TNR: variants seen among roughly 807,000 people sequenced by gnomAD.
The protein encoded by TNR is tenascin-R.
A neutral mutation model predicts 150.4 loss-of-function variants in TNR; 45 were observed. The observed-to-expected ratio is 0.30, with a 90% CI of 0.24 to 0.38. The LOEUF (loss-of-function observed/expected upper bound fraction) is 0.38. Ranked by LOEUF, TNR falls within the 10% of genes least tolerant of loss-of-function variation. TNR has a pLI of 1.00. For synonymous variants in TNR, 687 were observed against 678.4 expected (o/e 1.01, Z -0.20); for missense variants, 1,544 against 1,759.1 (o/e 0.88, Z 2.19).
At chr1:175,696,879 CAAA>C (rs66502339) in intron 1 of TNR, among the ~76,000 whole-genome samples, 240 of 110,602 alleles carry the variant, frequency 2.2e-3, no homozygotes, top group East Asian at 5.8e-3. Context: ...AACTCCATCT[CAAA>C]AAAAAAAAAA....
intron 1 of TNR, among the ~76,000 whole-genome samples, chr1:175,695,415 G>A (rs1200800491): frequency 1.3e-5 from 2 of 152,094 alleles, no homozygotes; most frequent in Non-Finnish European, 1.5e-5. Context: ...GCACAGCTAA[G>A]CTGCTCCACA....
At chr1:175,480,416 GAAAA>G (rs778393908) in intron 2 of TNR, among the ~76,000 whole-genome samples, 1 of 85,990 alleles carries the variant, frequency 1.2e-5, no homozygotes, top group Non-Finnish European at 2.4e-5. Flanking sequence ...AAGAAAGAAA[GAAAA>G]AAGAAAGAAA....
intron 18 of TNR, among the ~76,000 whole-genome samples, chr1:175,348,443 G>A (rs1032416743): frequency 1.1e-4 from 16 of 152,050 alleles, no homozygotes; most frequent in African/African-American, 2.9e-4. Context: ...GATGCCTTTG[G>A]AAAAATAAAG....
intron 1 of TNR, among the ~76,000 whole-genome samples, chr1:175,673,901 C>T (rs180770402): frequency 6.6e-5 from 10 of 152,342 alleles, no homozygotes; most frequent in African/African-American, 1.2e-4. Flanking sequence ...AAAACCACAT[C>T]GGAAGACTTG....
intron 1 of TNR, among the ~76,000 whole-genome samples, chr1:175,656,115 C>T (rs1571720329): frequency 6.8e-6 from 1 of 147,470 alleles, no homozygotes; most frequent in East Asian, 2.0e-4. Context: ...TCTATCCTTA[C>T]AGGGGAAGAC....
At chr1:175,679,488 T>C (rs1665966262) in intron 1 of TNR, among the ~76,000 whole-genome samples, 1 of 152,226 alleles carries the variant, frequency 6.6e-6, no homozygotes, top group African/African-American at 2.4e-5. Flanking sequence ...TACAGTTCAA[T>C]TGGATACGCA....
chr1:175,538,244 T>C (rs577304721), intron 1 of TNR, among the ~76,000 whole-genome samples: 22 of 152,038 alleles, frequency 1.4e-4, no homozygotes, highest in African/African-American at 5.3e-4. Context: ...AAGCAGAGAG[T>C]GGCCAGCTAC....
At chr1:175,592,767 C>T (rs116208723) in intron 1 of TNR, among the ~76,000 whole-genome samples, 2,291 of 152,320 alleles carry the variant, frequency 0.015, 54 homozygotes, top group African/African-American at 0.052. Context: ...GAGGGCCCAG[C>T]CTCCATTTCC....
chr1:175,503,631 A>G (rs748063791), intron 2 of TNR, among the ~76,000 whole-genome samples: 11 of 152,170 alleles, frequency 7.2e-5, no homozygotes, highest in Admixed American at 1.3e-4. Context: ...CCTTTCCACA[A>G]GGGCAGCTTT....
intron 11 of TNR, 25 bp downstream of exon 11, chr1:175,365,850 G>C: frequency 6.2e-7 from 1 of 1,604,306 alleles, no homozygotes; most frequent in Non-Finnish European, 8.5e-7. Context: ...CCTGAACCTG[G>C]CTGGGATTTC....
chr1:175,552,963 T>G (rs1481601273), intron 1 of TNR, among the ~76,000 whole-genome samples: 1 of 152,160 alleles, frequency 6.6e-6, no homozygotes, highest in African/African-American at 2.4e-5. Flanking sequence ...GAATTTGAAC[T>G]AGACCTGAGA....
At chr1:175,511,585 C>A (rs150814935) in intron 2 of TNR, among the ~76,000 whole-genome samples, 130 of 152,310 alleles carry the variant, frequency 8.5e-4, no homozygotes, top group Middle Eastern at 3.4e-3. Flanking sequence ...AAGTAACATT[C>A]CTGACTCTCA....
At chr1:175,511,565 C>T (rs1013974483) in intron 2 of TNR, among the ~76,000 whole-genome samples, 5 of 152,160 alleles carry the variant, frequency 3.3e-5, no homozygotes, top group African/African-American at 7.2e-5. Flanking sequence ...TGCCATTTGG[C>T]GCCTCTGAGA....
chr1:175,603,490 T>G (rs1663315124), intron 1 of TNR, among the ~76,000 whole-genome samples: 1 of 152,248 alleles, frequency 6.6e-6, no homozygotes, highest in Admixed American at 6.5e-5. Context: ...TAGCAATTAC[T>G]GAATGGACAC....
intron 1 of TNR, among the ~76,000 whole-genome samples, chr1:175,634,987 C>T (rs1020458888): frequency 2.6e-5 from 4 of 152,184 alleles, no homozygotes; most frequent in African/African-American, 9.7e-5. Context: ...GCCACGGGTC[C>T]CTACCTAGCC....
intron 1 of TNR, among the ~76,000 whole-genome samples, chr1:175,581,288 G>A (rs1165676139): frequency 2.0e-5 from 3 of 152,134 alleles, no homozygotes; most frequent in Admixed American, 6.5e-5. Flanking sequence ...GATGCGTCAA[G>A]AACAGCCTTC....
At chr1:175,332,557 C>T (rs1039275628) in intron 20 of TNR, among the ~76,000 whole-genome samples, 2 of 152,190 alleles carry the variant, frequency 1.3e-5, no homozygotes, top group Non-Finnish European at 2.9e-5. Context: ...AAGAGCCCTC[C>T]CTGTCTCCCT....
chr1:175,362,562 A>G (rs1205862993), intron 14 of TNR, 101 bp downstream of exon 14: 2 of 1,461,388 alleles, frequency 1.4e-6, no homozygotes, highest in African/African-American at 1.4e-5. Flanking sequence ...GAGCACCCCG[A>G]AATGGAGCCT....
intron 1 of TNR, among the ~76,000 whole-genome samples, chr1:175,712,592 G>A (rs1667047912): frequency 6.6e-6 from 1 of 152,126 alleles, no homozygotes; most frequent in African/African-American, 2.4e-5. Flanking sequence ...TGGTGGTGGG[G>A]CCTGGTGGGA....
Sources: allele counts gnomAD v4.1 joint callset (sites outside exome capture counted in the v4.1 genomes callset), GRCh38; gene constraint gnomAD v4.1.1; transcripts MANE v1.5; gene names NCBI Gene and HGNC (gene_info 2026-07-23, HGNC 2026-07-21).